Variants in INO80 observed in about 807,000 individuals in gnomAD.
INO80 encodes the protein chromatin-remodeling ATPase INO80.
Under a neutral mutation model 203.4 loss-of-function variants are expected in INO80, and 20 were observed. That is an observed-to-expected ratio of 0.10 (90% CI 0.07 to 0.14). The LOEUF (loss-of-function observed/expected upper bound fraction) is 0.14. INO80 is among the 10% of genes least tolerant of loss of function. INO80 has a pLI of 1.00. For missense variants in INO80, 1,419 were observed against 1,914.4 expected (o/e 0.74, Z 4.83); for synonymous variants, 726 against 685.2 (o/e 1.06, Z -0.93).
chr15:41,012,817 G>T (rs2044151966), intron 27 of INO80, among the ~76,000 whole-genome samples: 3 of 151,982 alleles, frequency 2.0e-5, no homozygotes, highest in Admixed American at 2.0e-4. Context: ...GATGCCATGT[G>T]AAAGAATACA....
In INO80 at chr15:41,072,047, A is replaced by G; in HGVS notation, c.1407T>C (p.Phe469=). Residue 469 remains phenylalanine, a synonymous_variant, in exon 12 of 36, where the codon TTT becomes TTC. Transcript: ENST00000648947. ...YHIHQARTRS[F]DEDAKESRAA... ...CTCGACTTTCTTTTGCATCTTCATC[A>G]AATGACCTTGTCTGGAAAGTAAAAA... 6.3e-7 allele frequency: 1 copy of G among 1,579,324 alleles called. No individual in the cohort carries two copies. The highest frequency in any genetic ancestry group is 8.6e-7 in the Non-Finnish European group (1 of 1,168,438).
At chr15:41,061,015 A>C (rs1425700456) in intron 14 of INO80, among the ~76,000 whole-genome samples, 1 of 152,202 alleles carries the variant, frequency 6.6e-6, no homozygotes, top group Non-Finnish European at 1.5e-5. Context: ...AATATTAAAA[A>C]CAGACTTTTG....
intron 9 of INO80, among the ~76,000 whole-genome samples, chr15:41,076,462 CTTTCT>C (rs997161437): frequency 2.1e-5 from 3 of 144,632 alleles, no homozygotes; most frequent in African/African-American, 8.6e-5. Flanking sequence ...CATGTGCAAA[CTTTCT>C]TTTTTTTTTT....
intron 1 of INO80, among the ~76,000 whole-genome samples, chr15:41,098,448 G>A (rs554970442): frequency 4.6e-5 from 7 of 152,270 alleles, no homozygotes; most frequent in African/African-American, 1.4e-4. Context: ...ACTGAAGTGG[G>A]AGGATCACTT....
intron 8 of INO80, among the ~76,000 whole-genome samples, 163 bp downstream of exon 8, chr15:41,080,857 A>C (rs1019011344): frequency 2.6e-5 from 4 of 152,220 alleles, no homozygotes; most frequent in African/African-American, 9.6e-5. Context: ...TCAAAAAATA[A>C]AAATAAAAAA....
chr15:41,029,417 A>G (rs1488387782), intron 24 of INO80, among the ~76,000 whole-genome samples: 1 of 152,230 alleles, frequency 6.6e-6, no homozygotes, highest in Non-Finnish European at 1.5e-5. Flanking sequence ...CATCTTCTAA[A>G]TAACTGTCAT....
intron 28 of INO80, among the ~76,000 whole-genome samples, chr15:40,999,808 A>C (rs898752196): frequency 2.0e-5 from 3 of 152,222 alleles, no homozygotes; most frequent in Non-Finnish European, 2.9e-5. Flanking sequence ...TAAGGCTTCA[A>C]ATAAAAACTG....
chr15:40,996,496 G>GT (rs535434780), intron 29 of INO80, among the ~76,000 whole-genome samples: 4,490 of 149,530 alleles, frequency 0.03, 215 homozygotes, highest in African/African-American at 0.1. Flanking sequence ...TATTTTTTTT[G>GT]TTTTTTTTTG....
At chr15:41,031,474 A>C (rs1189639668) in intron 24 of INO80, among the ~76,000 whole-genome samples, 4 of 114,054 alleles carry the variant, frequency 3.5e-5, no homozygotes, top group Non-Finnish European at 7.1e-5. Context: ...GGAAGGAGGG[A>C]GAGAAGGAGA....
chr15:41,058,868 A>G lies in INO80; in HGVS notation c.1843-87T>C. Reference sequence around the variant, plus strand: ...TGTATGGACTGTTTTTCTAGGGCCAAAATGTTTAAGACAGCCCTGAAGATG... The same window carrying G: ...TGTATGGACTGTTTTTCTAGGGCCAGAATGTTTAAGACAGCCCTGAAGATG... On this transcript the variant is annotated intron_variant, in intron 15 of 35. Transcript: ENST00000648947. 6.1e-6 allele frequency: 8 copies of G among 1,315,758 alleles called. 1 individual carries two copies. The South Asian group carries it at 1.1e-4, about 18-fold the overall frequency. The allele number at this position is 1,315,758 out of a possible 1,614,324, so 81.5% of individuals were successfully genotyped here.
chr15:41,067,818 C>G (rs1226521846), intron 14 of INO80, among the ~76,000 whole-genome samples: 1 of 152,168 alleles, frequency 6.6e-6, no homozygotes. Flanking sequence ...CTCCAAAATA[C>G]TATCTTAACT....
At chr15:41,100,830 C>CTTTT (rs1190451283) in intron 1 of INO80, among the ~76,000 whole-genome samples, 2 of 138,104 alleles carry the variant, frequency 1.4e-5, no homozygotes, top group Non-Finnish European at 3.2e-5. Context: ...ACAATTTTTT[C>CTTTT]TTTTTTTTTT....
chr15:41,050,190 A>AT lies in INO80; in HGVS notation c.2275-89dup, dbSNP rs2044845558. 6.0e-6 allele frequency: 5 copies of AT among 826,974 alleles called. No individual in the cohort carries two copies. In the Admixed American group the frequency reaches 7.1e-5, roughly 12 times the overall value. The allele number at this position is 826,974 out of a possible 1,614,324, so 51.2% of individuals were successfully genotyped here. ...TTAAAGTTGAAAACACACACAAACC[A>AT]TATTATGATTGAGAATAAACATATG... On this transcript the variant is annotated intron_variant, in intron 19 of 35. Transcript: ENST00000648947.
chr15:41,114,313 G>A (rs914237213), intron 1 of INO80, among the ~76,000 whole-genome samples: 1 of 151,622 alleles, frequency 6.6e-6, no homozygotes. Context: ...TAGAAGGTAT[G>A]CAACTTTTAC....
intron 23 of INO80, among the ~76,000 whole-genome samples, chr15:41,046,236 T>C (rs1437730944): frequency 1.1e-4 from 3 of 26,474 alleles, no homozygotes; most frequent in African/African-American, 2.1e-4. Flanking sequence ...TATATATATA[T>C]ATATATATAT....
At chr15:41,052,326 C>T (rs938411420) in intron 19 of INO80, among the ~76,000 whole-genome samples, 41 of 151,986 alleles carry the variant, frequency 2.7e-4, no homozygotes, top group African/African-American at 9.4e-4. Flanking sequence ...GAAAAAAAGA[C>T]TAAATAAAGG....
intron 7 of INO80, among the ~76,000 whole-genome samples, chr15:41,083,791 A>T (rs770908032): frequency 6.6e-6 from 1 of 152,078 alleles, no homozygotes; most frequent in Non-Finnish European, 1.5e-5. Flanking sequence ...TATATGAAGT[A>T]TATGTGTAAG....
intron 30 of INO80, 86 bp from the exon 31 acceptor site, chr15:40,987,279 C>T: frequency 2.5e-6 from 2 of 804,882 alleles, no homozygotes; most frequent in Non-Finnish European, 4.2e-6. Context: ...TCGTTCTCAA[C>T]CCACTCCTCA....
intron 14 of INO80, among the ~76,000 whole-genome samples, chr15:41,066,179 C>G (rs1244019433): frequency 2.6e-5 from 4 of 151,878 alleles, no homozygotes; most frequent in African/African-American, 9.7e-5. Context: ...GGTTTCTCCA[C>G]ATTGGTTAGG....
Sources: gnomAD v4.1 joint callset for allele counts (sites outside exome capture counted in the v4.1 genomes callset) on GRCh38, gnomAD v4.1.1 for gene constraint, MANE v1.5 for transcripts, NCBI Gene and HGNC (gene_info 2026-07-23, HGNC 2026-07-21) for gene names.